PPFIA2: variants seen among roughly 807,000 people sequenced by gnomAD.
PPFIA2 encodes the protein PPFI scaffold protein A2.
A neutral mutation model predicts 175.5 loss-of-function variants in PPFIA2; 46 were observed. That is an observed-to-expected ratio of 0.26 (90% CI 0.21 to 0.34). The LOEUF (loss-of-function observed/expected upper bound fraction) is 0.34. PPFIA2 is among the 10% of genes least tolerant of loss of function. The pLI, the probability that PPFIA2 is intolerant of heterozygous loss-of-function variation, is 1.00. For missense variants in PPFIA2, 1,179 were observed against 1,506.1 expected (o/e 0.78, Z 3.60); for synonymous variants, 568 against 511.4 (o/e 1.11, Z -1.49).
chr12:81,608,593 A>G (rs1305937177), intron 4 of PPFIA2, among the ~76,000 whole-genome samples: 1 of 152,054 alleles, frequency 6.6e-6, no homozygotes, highest in East Asian at 1.9e-4. Context: ...AGTTGCTTGT[A>G]ATACTCTCCG....
chr12:81,708,156 A>G (rs1009248838), intron 3 of PPFIA2, among the ~76,000 whole-genome samples: 1 of 152,028 alleles, frequency 6.6e-6, no homozygotes, highest in Admixed American at 6.6e-5. Flanking sequence ...CATGTACCCT[A>G]AAACTTAAAG....
chr12:81,395,328 G>C (rs2040915214), intron 8 of PPFIA2, among the ~76,000 whole-genome samples: 1 of 151,950 alleles, frequency 6.6e-6, no homozygotes, highest in African/African-American at 2.4e-5. Flanking sequence ...CAAATGAATG[G>C]AGACATAAGC....
chr12:81,614,577 G>A (rs1009697927), intron 4 of PPFIA2, among the ~76,000 whole-genome samples: 1 of 152,058 alleles, frequency 6.6e-6, no homozygotes, highest in Non-Finnish European at 1.5e-5. Context: ...ACAATGTTTA[G>A]GCCACCTTAT....
chr12:81,294,126 A>T (rs192069827), intron 24 of PPFIA2, among the ~76,000 whole-genome samples: 2 of 152,076 alleles, frequency 1.3e-5, no homozygotes, highest in Non-Finnish European at 2.9e-5. Flanking sequence ...AATAACAGAC[A>T]TTGGAGACTC....
At chr12:81,750,998 GCCA>G (rs2083688442) in intron 3 of PPFIA2, among the ~76,000 whole-genome samples, 1 of 152,016 alleles carries the variant, frequency 6.6e-6, no homozygotes, top group African/African-American at 2.4e-5. Flanking sequence ...CAAGTGCAAT[GCCA>G]CCAAACAGTG....
chr12:81,668,637 C>G (rs2070815759), intron 4 of PPFIA2, among the ~76,000 whole-genome samples: 1 of 152,006 alleles, frequency 6.6e-6, no homozygotes, highest in African/African-American at 2.4e-5. Flanking sequence ...CCCTGCAGTA[C>G]TCCCTACCAG....
intron 4 of PPFIA2, among the ~76,000 whole-genome samples, chr12:81,478,017 C>T (rs1056762752): frequency 2.0e-5 from 3 of 152,018 alleles, no homozygotes; most frequent in African/African-American, 7.2e-5. Flanking sequence ...TGGTGGAATT[C>T]GGCTGTGAAT....
intron 4 of PPFIA2, among the ~76,000 whole-genome samples, chr12:81,646,590 G>C (rs1414342061): frequency 2.0e-5 from 3 of 152,054 alleles, no homozygotes; most frequent in Non-Finnish European, 4.4e-5. Flanking sequence ...AATGGAAGAG[G>C]AACATTTTGA....
At chr12:81,485,505 T>A (rs1464441576) in intron 4 of PPFIA2, among the ~76,000 whole-genome samples, 1 of 151,792 alleles carries the variant, frequency 6.6e-6, no homozygotes, top group African/African-American at 2.4e-5. Flanking sequence ...CACTCAGATA[T>A]ACAACTCTCA....
chr12:81,457,908 T>C, intron 4 of PPFIA2, 42 bp from the exon 5 acceptor site: 3 of 1,339,624 alleles, frequency 2.2e-6, no homozygotes, highest in Non-Finnish European at 3.1e-6. Context: ...ATTCAAGATC[T>C]AAAAGCAGAA....
intron 8 of PPFIA2, among the ~76,000 whole-genome samples, chr12:81,402,726 C>G (rs28439726): frequency 6.6e-6 from 1 of 151,844 alleles, no homozygotes; most frequent in Non-Finnish European, 1.5e-5. Context: ...GGGTGGCTCA[C>G]GCCAGTAATG....
intron 5 of PPFIA2, among the ~76,000 whole-genome samples, chr12:81,446,945 G>A (rs1420854883): frequency 5.9e-5 from 9 of 151,982 alleles, no homozygotes; most frequent in Non-Finnish European, 1.3e-4. Context: ...TGGGCACAAA[G>A]AACACCAGTA....
intron 28 of PPFIA2, among the ~76,000 whole-genome samples, chr12:81,271,420 G>A (rs113027785): frequency 0.054 from 8,221 of 152,016 alleles, 418 homozygotes; most frequent in African/African-American, 0.13. Flanking sequence ...ACAGGCATGC[G>A]CCACCACACC....
intron 4 of PPFIA2, among the ~76,000 whole-genome samples, chr12:81,628,126 AT>A (rs1300015146): frequency 1.3e-5 from 2 of 152,212 alleles, no homozygotes; most frequent in Non-Finnish European, 2.9e-5. Flanking sequence ...TATACTTCAT[AT>A]AATTTCAGGA....
Position 81,526,595 on chromosome 12 carries a change from A to G in PPFIA2, c.304-68729T>C, listed in dbSNP as rs1421590739. Among the ~76,000 whole-genome samples, 8 of 152,338 alleles carry G rather than the reference A, an allele frequency of 5.3e-5. No homozygotes were observed. The South Asian group carries it at 1.0e-3, about 20-fold the overall frequency. ...AATCACTAGGATTGGTATAAAGCAA[A>G]CATTTGGTCATTCAACTAATTATTT... On this transcript the variant is annotated intron_variant, in intron 4 of 32. Transcript: ENST00000549396.
intron 4 of PPFIA2, among the ~76,000 whole-genome samples, chr12:81,516,625 A>G (rs746982382): frequency 2.0e-4 from 30 of 152,176 alleles, no homozygotes; most frequent in Non-Finnish European, 3.4e-4. Flanking sequence ...GAGGTCATCT[A>G]CAACACAAGG....
At chr12:81,425,321 C>T (rs953616463) in intron 7 of PPFIA2, among the ~76,000 whole-genome samples, 4 of 151,976 alleles carry the variant, frequency 2.6e-5, no homozygotes, top group African/African-American at 7.2e-5. Flanking sequence ...CTTTCCCAAA[C>T]TTGCTAGTGA....
intron 3 of PPFIA2, among the ~76,000 whole-genome samples, chr12:81,751,578 G>A (rs2083796615): frequency 2.0e-5 from 3 of 151,228 alleles, no homozygotes; most frequent in Non-Finnish European, 4.4e-5. Flanking sequence ...TACAGAGAGA[G>A]AGAGAGAGAC....
intron 1 of PPFIA2, 68 bp from the exon 2 acceptor site, chr12:81,758,575 G>A (rs537698921): frequency 5.4e-6 from 2 of 368,510 alleles, no homozygotes; most frequent in South Asian, 2.0e-5. Flanking sequence ...AACGTGCCCC[G>A]GCCCGGTGGC....
Sources: allele counts gnomAD v4.1 joint callset (sites outside exome capture counted in the v4.1 genomes callset), GRCh38; gene constraint gnomAD v4.1.1; transcripts MANE v1.5; gene names NCBI Gene and HGNC (gene_info 2026-07-23, HGNC 2026-07-21).